IRF7: variants seen among roughly 807,000 people sequenced by gnomAD.
The protein encoded by IRF7 is interferon regulatory factor 7, also known as interferon regulatory factor-7H.
A neutral mutation model predicts 51.3 loss-of-function variants in IRF7; 67 were observed. That is an observed-to-expected ratio of 1.31 (90% confidence interval 1.07 to 1.60). The LOEUF is 1.60. Ranked by LOEUF, IRF7 falls within the 40% of genes most tolerant of loss-of-function variation. The pLI, the probability that IRF7 is intolerant of heterozygous loss-of-function variation, is 0.00. For synonymous variants in IRF7, 427 were observed against 301.3 expected, an observed-to-expected ratio of 1.42 and a Z score of -4.32; for missense variants, 873 against 701.5, an observed-to-expected ratio of 1.24 and a Z score of -2.76.
chr11:614,012 C>G lies in IRF7; in HGVS notation c.705G>C (p.Leu235=), dbSNP rs766910044. Residue 235 remains leucine, a synonymous_variant, in exon 7 of 11, where the codon CTG becomes CTC. Coordinates refer to ENST00000525445, the MANE Select transcript of IRF7 (RefSeq NM_001572.5). ...AGGPGLPAGE[L]YGWAVETTPS... Reference sequence around the variant, plus strand: ...GGGTCGTCTCTACTGCCCACCCGTACAGCTCCCCAGCAGGGAGCCCTGGGC... The same window carrying G: ...GGGTCGTCTCTACTGCCCACCCGTAGAGCTCCCCAGCAGGGAGCCCTGGGC... The G allele has an allele frequency of 6.2e-6, 10 of 1,609,304 alleles. No homozygotes were observed. The highest frequency in any genetic ancestry group is 1.6e-4 in the Middle Eastern group (1 of 6,066).
chr11:613,161 C>T, intron 9 of IRF7, 44 bp from the exon 10 acceptor site: 1 of 1,604,432 alleles, frequency 6.2e-7, no homozygotes, highest in Admixed American at 1.7e-5. Flanking sequence ...GCAGGTGCTC[C>T]CAAGGACCCC....
chr11:613,342 C>T lies in IRF7; in HGVS notation c.1101G>A (p.Trp367Ter). 2 of 1,611,664 alleles carry T rather than the reference C, an allele frequency of 1.2e-6. No homozygotes were observed. Among genetic ancestry groups the T allele is most frequent in the Non-Finnish European group, 1.7e-6 (2 of 1,179,580 alleles). Residue 367 changes from tryptophan to a stop codon, truncating the protein, a stop_gained, in exon 9 of 11, where the codon TGG (tryptophan) becomes TGA (stop). Transcript: ENST00000525445. LOFTEE classifies it high-confidence loss of function. ...CCTTGCACTTGCCCATGCGCCGGGC[C>T]CACAGCTGTGGCCCCCGAAGCTCCA... ...LHLELRGPQL[W>*]ARRMGKCKVY... is the part of the protein sequence containing the mutation.
At position 612,564 on chromosome 11, in the gene IRF7, G is replaced by A. The variant is rs1856486673; in HGVS notation, c.*81C>T. The stretch of plus-strand genomic sequence containing the variant: ...CCAAGATGCCAGTACGTGTTCTGGA[G>A]TTCTTTTTATTAGACTGGGCGGCCG... On this transcript the variant is annotated 3_prime_UTR_variant, in exon 11 of 11. Coordinates refer to ENST00000525445, the MANE Select transcript of IRF7 (RefSeq NM_001572.5). 6.6e-7 allele frequency: 1 copy of A among 1,523,620 alleles called. No homozygotes were observed. Among genetic ancestry groups the A allele is most frequent in the Non-Finnish European group, 9.0e-7 (1 of 1,114,770 alleles). 94.4% of individuals were successfully genotyped at this position (1,523,620 alleles called of 1,614,324 possible).
intron 8 of IRF7, 49 bp from the exon 9 acceptor site, chr11:613,644 G>T: frequency 9.8e-7 from 1 of 1,016,802 alleles, no homozygotes; most frequent in Non-Finnish European, 1.3e-6. Flanking sequence ...GGGACAGGCT[G>T]TGAGTGACGG....
At position 614,008 on chromosome 11, in the gene IRF7, C is replaced by A. The variant is rs760665585; in HGVS notation, c.709G>T (p.Gly237Trp). 1.2e-6 allele frequency: 2 copies of A among 1,609,594 alleles called. No homozygotes were observed. Among genetic ancestry groups the A allele is most frequent in the South Asian group, 2.2e-5 (2 of 90,502 alleles). ...GPGLPAGELYGWAVETTPSPG... is the reference protein window; with the variant it reads ...GPGLPAGELYWWAVETTPSPG... ...CTGGGGGTCGTCTCTACTGCCCACC[C>A]GTACAGCTCCCCAGCAGGGAGCCCT... Residue 237 changes from glycine (G) to tryptophan (W), a missense_variant, in exon 7 of 11, where the codon GGG becomes TGG. Gly to Trp is a radical substitution (Grantham distance 184). Coordinates refer to ENST00000525445, the MANE Select transcript of IRF7 (RefSeq NM_001572.5).
At position 614,394 on chromosome 11, in the gene IRF7, C is replaced by T. The variant is rs778396399; in HGVS notation, c.459G>A (p.Gly153=). The change falls in exon 6 of 11, where the codon GGG becomes GGA. Residue 153 remains glycine (G), a synonymous_variant. Transcript: ENST00000525445. Reference sequence around the variant, plus strand: ...TGTGTGCCAGGAATGGCCCTGGGGGCCCACCCTGCAGGGAAAAGTCAGGGT... The same window carrying T: ...TGTGTGCCAGGAATGGCCCTGGGGGTCCACCCTGCAGGGAAAAGTCAGGGT... ...APAAVPPPQG[G]PPGPFLAHTH... is the part of the protein sequence containing the mutation. The T allele has an allele frequency of 1.2e-6, 2 of 1,602,032 alleles. No homozygotes were observed. The highest frequency in any genetic ancestry group is 8.5e-7 in the Non-Finnish European group (1 of 1,174,980).
At position 613,004 on chromosome 11, in the gene IRF7, C is replaced by A. The variant is rs1388901046; in HGVS notation, c.1351G>T (p.Val451Leu). Residue 451 changes from valine (V) to leucine (L), a missense_variant, in exon 10 of 11, where the codon GTG (valine) becomes TTG (leucine). Coordinates refer to ENST00000525445, the MANE Select transcript of IRF7 (RefSeq NM_001572.5). ...GRPKEKSLVL[V>L]KLEPWLCRVH... ...CCTTGAGGCTCTGGTCTCACCTTCA[C>A]CAGGACCAGGCTCTTCTCCTTGGGC... is the stretch of plus-strand genomic sequence containing the variant. 1 of 1,612,914 alleles carries A rather than the reference C, an allele frequency of 6.2e-7. No homozygotes were observed. Among genetic ancestry groups the A allele is most frequent in the Non-Finnish European group, 8.5e-7 (1 of 1,179,784 alleles).
intron 10 of IRF7, 52 bp downstream of exon 10, chr11:612,947 C>T: frequency 6.3e-7 from 1 of 1,592,222 alleles, no homozygotes; most frequent in Non-Finnish European, 8.6e-7. Context: ...CATCAGGCGT[C>T]TGTCAGTGGG....
chr11:614,550 GC>G lies in IRF7; in HGVS notation c.395-17del. The G allele has an allele frequency of 1.9e-6, 3 of 1,551,188 alleles. No individual in the cohort carries two copies. Among genetic ancestry groups the G allele is most frequent in the Non-Finnish European group, 2.6e-6 (3 of 1,147,090 alleles). Reference sequence around the variant, plus strand: ...CCTGGGCCTTCTGAGAGAGAATGGGGCAGGCGTTAGGCCCCGACACCAGAGT... The same window carrying G: ...CCTGGGCCTTCTGAGAGAGAATGGGGAGGCGTTAGGCCCCGACACCAGAGT... On this transcript the variant is annotated splice_polypyrimidine_tract_variant and intron_variant, in intron 4 of 10. Coordinates refer to ENST00000525445, the MANE Select transcript of IRF7 (RefSeq NM_001572.5).
At position 614,168 on chromosome 11, in the gene IRF7, C is replaced by T. The variant is rs1352357371; in HGVS notation, c.679+6G>A. ...GCGCTCCCCCCCTCCCCGGGCACGC[C>T]CACACCTCCAGCACAGGCCCCAGTC... On this transcript the variant is annotated splice_donor_region_variant and intron_variant, in intron 6 of 10. Coordinates refer to ENST00000525445, the MANE Select transcript of IRF7 (RefSeq NM_001572.5). 6.2e-7 allele frequency: 1 copy of T among 1,611,494 alleles called. No individual in the cohort carries two copies. Among genetic ancestry groups the T allele is most frequent in the East Asian group, 2.2e-5 (1 of 44,850 alleles).
Position 613,934 on chromosome 11 carries a change from A to ACCCCTACCCCTCTCAC in IRF7, c.766+1_766+16dup, listed in dbSNP as rs1856638987. ...CTCTCCCTGTGCCCCAGGCCTCCCA[A>ACCCCTACCCCTCTCAC]CCCCTACCCCTCTCACCTGTCGTTA... On this transcript the variant is annotated intron_variant, in intron 7 of 10. Coordinates refer to ENST00000525445, the MANE Select transcript of IRF7 (RefSeq NM_001572.5). 1 of 1,602,058 alleles carries ACCCCTACCCCTCTCAC rather than the reference A, an allele frequency of 6.2e-7. No homozygotes were observed. The highest frequency in any genetic ancestry group is 8.5e-7 in the Non-Finnish European group (1 of 1,176,294).
At chr11:614,068 T>A in intron 6 of IRF7, 31 bp from the exon 7 acceptor site, 1 of 1,590,360 alleles carries the variant, frequency 6.3e-7, no homozygotes, top group Non-Finnish European at 8.6e-7. Flanking sequence ...GGAACGGTGG[T>A]CCCCTCCTAA....
rs566736573 is a variant in IRF7, at chr11:614,676, C to T, written c.394+121G>A. ...GGTGGGGATGTGGCTCTCCACCTGT[C>T]CTGGGCCTGCTGGCAGCCTCTCCCA... On this transcript the variant is annotated intron_variant, in intron 4 of 10. Coordinates refer to ENST00000525445, the MANE Select transcript of IRF7 (RefSeq NM_001572.5). The T allele has an allele frequency of 6.5e-6, 9 of 1,387,006 alleles. No homozygotes were observed. The East Asian group carries it at 1.8e-4, about 27-fold the overall frequency. 85.9% of individuals were successfully genotyped at this position (1,387,006 alleles called of 1,614,324 possible).
rs115674939 is a variant in IRF7, at chr11:614,063, G to A, written c.680-26C>T. The A allele has an allele frequency of 4.8e-4, 766 of 1,591,188 alleles. 7 individuals are homozygous for A. In the African/African-American group the frequency reaches 8.6e-3, roughly 18 times the overall value. On this transcript the variant is annotated intron_variant, in intron 6 of 10. Transcript: ENST00000525445. ...CTGAGGAGGGGAGGACAGTGGGAAC[G>A]GTGGTCCCCTCCTAATTCTCCAGCT...
chr11:613,686 G>C (rs1589919327), intron 8 of IRF7, 91 bp from the exon 9 acceptor site: 2 of 801,770 alleles, frequency 2.5e-6, no homozygotes, highest in Non-Finnish European at 3.4e-6. Context: ...GAGTGACGGG[G>C]GTGGGCGGGG....
In IRF7 at chr11:613,592, G is replaced by C; in HGVS notation, c.851C>G (p.Pro284Arg). Reference protein sequence around the residue: ...SPSACTAVQEPSPGALDVTIM... With the variant: ...SPSACTAVQERSPGALDVTIM... ...GGTCACGTCCAGCGCCCCTGGGCTG[G>C]GCTCTGTGTGGAGACCAAGCTGTGA... The change falls in exon 9 of 11, where the codon CCC (proline) becomes CGC (arginine). Residue 284 changes from proline (P) to arginine (R), a missense_variant. By Grantham distance (103) the Pro-to-Arg change is moderately radical. Transcript: ENST00000525445. 6.5e-7 allele frequency: 1 copy of C among 1,546,414 alleles called. No individual in the cohort carries two copies. The highest frequency in any genetic ancestry group is 8.7e-7 in the Non-Finnish European group (1 of 1,151,258).
chr11:614,611 C>T, intron 4 of IRF7, 77 bp from the exon 5 acceptor site: 2 of 1,513,130 alleles, frequency 1.3e-6, no homozygotes, highest in Non-Finnish European at 1.8e-6. Context: ...TAGCCCCCAC[C>T]AGCTTCCTGG....
chr11:613,407 T>A lies in IRF7; in HGVS notation c.1036A>T (p.Thr346Ser). Residue 346 changes from threonine (T) to serine (S), a missense_variant, in exon 9 of 11, where the codon ACG becomes TCG. By Grantham distance (58) the Thr-to-Ser change is moderately conservative. Coordinates refer to ENST00000525445, the MANE Select transcript of IRF7 (RefSeq NM_001572.5). ...ELPDQKQLRYTEELLRHVAPG... is the reference protein window; with the variant it reads ...ELPDQKQLRYSEELLRHVAPG... ...GCCACGTGCCGCAGCAGTTCCTCCG[T>A]GTAGCGCAGCTGCTTCTGGTCCGGG... is the stretch of plus-strand genomic sequence containing the variant. 1 of 1,581,772 alleles carries A rather than the reference T, an allele frequency of 6.3e-7. No individual in the cohort carries two copies. Among genetic ancestry groups the A allele is most frequent in the Non-Finnish European group, 8.6e-7 (1 of 1,164,842 alleles).
At chr11:613,649 T>C in intron 8 of IRF7, 54 bp from the exon 9 acceptor site, 2 of 568,720 alleles carry the variant, frequency 3.5e-6, no homozygotes, top group Non-Finnish European at 4.6e-6. Context: ...AGGCTGTGAG[T>C]GACGGGGGTG....
Sources: allele counts gnomAD v4.1 joint callset, GRCh38; gene constraint gnomAD v4.1.1; transcripts MANE v1.5; gene names NCBI Gene and HGNC (gene_info 2026-07-23, HGNC 2026-07-21).